EPB41L2: variants seen among roughly 807,000 people sequenced by gnomAD.
EPB41L2 encodes the protein band 4.1-like protein 2.
EPB41L2 carries 43 observed loss-of-function variants against 113.0 expected under a neutral mutation model. That is an observed-to-expected ratio of 0.38 (90% CI 0.30 to 0.49). The LOEUF (loss-of-function observed/expected upper bound fraction) is 0.49. Ranked by LOEUF, EPB41L2 falls within the 20% of genes least tolerant of loss-of-function variation. The pLI is 0.95. For synonymous variants in EPB41L2, 442 were observed against 436.7 expected (o/e 1.01, Z -0.15); for missense variants, 1,147 against 1,223.4 (o/e 0.94, Z 0.93).
intron 8 of EPB41L2, among the ~76,000 whole-genome samples, chr6:130,896,787 A>G (rs1005010075): frequency 3.3e-5 from 5 of 152,188 alleles, no homozygotes; most frequent in Admixed American, 3.3e-4. Flanking sequence ...AATGGAAAGG[A>G]GCACCTTCTC....
intron 1 of EPB41L2, among the ~76,000 whole-genome samples, chr6:131,007,438 A>C (rs1333649691): frequency 1.3e-5 from 2 of 152,180 alleles, no homozygotes; most frequent in Non-Finnish European, 2.9e-5. Context: ...GCAGCATGCA[A>C]ATGAACTAAT....
intron 14 of EPB41L2, chr6:130,872,570 T>G (rs1345248284): frequency 4.7e-6 from 6 of 1,282,016 alleles, no homozygotes; most frequent in Non-Finnish European, 6.1e-6. Context: ...GAGCAAAGAA[T>G]TAGCAATAAG....
intron 1 of EPB41L2, among the ~76,000 whole-genome samples, chr6:130,993,211 A>G (rs1286736763): frequency 6.6e-6 from 1 of 152,220 alleles, no homozygotes; most frequent in East Asian, 1.9e-4. Flanking sequence ...AAAGGTATAT[A>G]TACCACCAGG....
At chr6:130,986,334 T>C (rs974782473) in intron 1 of EPB41L2, among the ~76,000 whole-genome samples, 2 of 151,814 alleles carry the variant, frequency 1.3e-5, no homozygotes, top group Admixed American at 1.3e-4. Context: ...AAATGGCCAA[T>C]CATAACATGA....
intron 1 of EPB41L2, among the ~76,000 whole-genome samples, chr6:131,026,066 G>A (rs1203168463): frequency 6.6e-6 from 1 of 152,122 alleles, no homozygotes; most frequent in African/African-American, 2.4e-5. Flanking sequence ...TCTGAAGAGT[G>A]GCCAGCCAGC....
At chr6:130,968,468 A>T (rs1775905206) in intron 1 of EPB41L2, among the ~76,000 whole-genome samples, 1 of 152,230 alleles carries the variant, frequency 6.6e-6, no homozygotes, top group Admixed American at 6.5e-5. Context: ...TGCCATTTTA[A>T]GTAATTATAG....
chr6:131,060,332 C>G (rs916943465), intron 1 of EPB41L2, among the ~76,000 whole-genome samples: 2 of 152,228 alleles, frequency 1.3e-5, no homozygotes, highest in African/African-American at 4.8e-5. Context: ...TGATTCAGGG[C>G]AGAACCTGAT....
chr6:130,851,913 A>G (rs917472150), intron 19 of EPB41L2, among the ~76,000 whole-genome samples: 1 of 152,106 alleles, frequency 6.6e-6, no homozygotes, highest in Non-Finnish European at 1.5e-5. Context: ...AGCCCTGGAT[A>G]ACACAGCTCA....
chr6:130,949,834 T>G (rs1048985334), intron 3 of EPB41L2, among the ~76,000 whole-genome samples: 2 of 152,070 alleles, frequency 1.3e-5, no homozygotes, highest in African/African-American at 2.4e-5. Flanking sequence ...ACAATTAGAA[T>G]GGAGACCTTA....
chr6:130,889,948 C>T (rs974717066), intron 11 of EPB41L2, among the ~76,000 whole-genome samples: 3 of 152,078 alleles, frequency 2.0e-5, no homozygotes, highest in Admixed American at 2.0e-4. Flanking sequence ...CAAATCTGAA[C>T]ATATGAAATC....
chr6:130,868,660 C>A (rs1252580532), intron 15 of EPB41L2: 1 of 152,116 alleles, frequency 6.6e-6, no homozygotes, highest in Non-Finnish European at 1.5e-5. Context: ...TCCATCCCAT[C>A]GAAGAGAACA....
chr6:130,923,179 A>G (rs1803455104), intron 4 of EPB41L2, among the ~76,000 whole-genome samples: 1 of 151,974 alleles, frequency 6.6e-6, no homozygotes, highest in Admixed American at 6.6e-5. Context: ...TTCTCTCTTC[A>G]ATCATTCGCT....
chr6:130,852,260 T>C (rs147548395), intron 19 of EPB41L2, among the ~76,000 whole-genome samples: 196 of 152,280 alleles, frequency 1.3e-3, no homozygotes, highest in African/African-American at 4.5e-3. Flanking sequence ...AACTAAGAAG[T>C]AGATATGAAC....
In EPB41L2 at chr6:130,866,212, T is replaced by C. The variant is rs550638446; in HGVS notation, c.2731-578A>G. ...TATTTCAATACTGCACATACGCATG[T>C]GCTCCTACATATATATAAATCCCAT... On this transcript the variant is annotated intron_variant, in intron 16 of 19. Coordinates refer to ENST00000337057, the MANE Select transcript of EPB41L2 (RefSeq NM_001431.4). Among the ~76,000 whole-genome samples, 11 of 152,354 alleles carry C rather than the reference T, an allele frequency of 7.2e-5. No homozygotes were observed. The South Asian group carries it at 1.9e-3, about 26-fold the overall frequency.
At chr6:131,062,794 G>GC (rs1050443607) in intron 1 of EPB41L2, among the ~76,000 whole-genome samples, 12 of 152,006 alleles carry the variant, frequency 7.9e-5, no homozygotes, top group Admixed American at 1.3e-4. Context: ...TCCTCCCCGT[G>GC]CCCCCGCCTT....
At chr6:130,933,018 T>C (rs1371049153) in intron 3 of EPB41L2, among the ~76,000 whole-genome samples, 1 of 152,384 alleles carries the variant, frequency 6.6e-6, no homozygotes. Flanking sequence ...TTCTACATTA[T>C]GCTTATACTC....
chr6:131,037,062 C>T (rs1584699753), intron 1 of EPB41L2, among the ~76,000 whole-genome samples: 1 of 152,276 alleles, frequency 6.6e-6, no homozygotes. Context: ...ATTAGCACTT[C>T]AGAAATTTCT....
At chr6:130,896,541 C>A (rs1195273224) in intron 8 of EPB41L2, among the ~76,000 whole-genome samples, 3 of 152,186 alleles carry the variant, frequency 2.0e-5, no homozygotes, top group African/African-American at 7.2e-5. Flanking sequence ...CATCTCTAGT[C>A]TGAAGCAATC....
Position 130,869,696 on chromosome 6 carries a change from C to A in EPB41L2, c.2474G>T (p.Gly825Val). The A allele has an allele frequency of 6.2e-7, 1 of 1,614,174 alleles. No individual in the cohort carries two copies. Among genetic ancestry groups the A allele is most frequent in the Non-Finnish European group, 8.5e-7 (1 of 1,180,032 alleles). The stretch of plus-strand genomic sequence containing the variant: ...AGCGCCTTCGTGTACACTCTTCTCT[C>A]CGGGTATCTTTTGGGCACCTACATT... ...QENVGAQKIP[G>V]EKSVHEGALK... The change falls in exon 15 of 20, where the codon GGA (glycine) becomes GTA (valine). Residue 825 changes from glycine to valine, a missense_variant. Transcript: ENST00000337057.
Sources: gnomAD v4.1 joint callset for allele counts (sites outside exome capture counted in the v4.1 genomes callset) on GRCh38, gnomAD v4.1.1 for gene constraint, MANE v1.5 for transcripts, NCBI Gene and HGNC (gene_info 2026-07-23, HGNC 2026-07-21) for gene names.